Variants in CHST11 observed in about 807,000 individuals in gnomAD.
The protein encoded by CHST11 is carbohydrate sulfotransferase 11, also known as C4S-1.
A neutral mutation model predicts 30.4 loss-of-function variants in CHST11; 9 were observed. That is an observed-to-expected ratio of 0.30 (90% CI 0.18 to 0.52). The LOEUF (loss-of-function observed/expected upper bound fraction) is 0.52, where lower values mean the gene tolerates loss of function less well. Ranked by LOEUF, CHST11 falls within the 20% of genes least tolerant of loss-of-function variation. CHST11 has a pLI of 0.97. For missense variants in CHST11, 348 were observed against 460.6 expected (o/e 0.76, Z 2.24); for synonymous variants, 152 against 187.8 (o/e 0.81, Z 1.56).
chr12:104,480,693 G>A (rs67672936), intron 1 of CHST11, among the ~76,000 whole-genome samples: 29,906 of 151,986 alleles, frequency 0.2, 3,435 homozygotes, highest in Admixed American at 0.32. Context: ...ACATAAGACC[G>A]TGTGATAATG....
At chr12:104,484,894 G>A (rs2037661578) in intron 1 of CHST11, among the ~76,000 whole-genome samples, 1 of 152,216 alleles carries the variant, frequency 6.6e-6, no homozygotes, top group Admixed American at 6.5e-5. Flanking sequence ...TTGGAAAAGA[G>A]TGGGAAGGGA....
intron 1 of CHST11, among the ~76,000 whole-genome samples, chr12:104,523,436 G>A (rs1382355331): frequency 1.3e-5 from 2 of 152,110 alleles, no homozygotes; most frequent in Non-Finnish European, 2.9e-5. Flanking sequence ...GTATAACCTG[G>A]CACTCAACGT....
chr12:104,696,039 G>A (rs1468807233), intron 2 of CHST11, among the ~76,000 whole-genome samples: 1 of 152,160 alleles, frequency 6.6e-6, no homozygotes, highest in Non-Finnish European at 1.5e-5. Context: ...CCTTTGCTGA[G>A]CAGTCGTTCT....
chr12:104,687,746 A>G (rs1455775819), intron 2 of CHST11, among the ~76,000 whole-genome samples: 1 of 152,200 alleles, frequency 6.6e-6, no homozygotes, highest in Non-Finnish European at 1.5e-5. Context: ...TTTCCTGCCT[A>G]GAATGATCCT....
chr12:104,662,241 C>T (rs1008958118), intron 2 of CHST11, among the ~76,000 whole-genome samples: 1 of 152,146 alleles, frequency 6.6e-6, no homozygotes, highest in African/African-American at 2.4e-5. Flanking sequence ...GTCAGCACGT[C>T]CTCTCATTAG....
intron 2 of CHST11, among the ~76,000 whole-genome samples, chr12:104,629,390 C>T (rs1454384245): frequency 6.6e-6 from 1 of 152,210 alleles, no homozygotes; most frequent in African/African-American, 2.4e-5. Context: ...ATAGAACTCA[C>T]AGTGGCTTGC....
Position 104,737,052 on chromosome 12 carries a change from AT to A in CHST11, c.205-19896del, listed in dbSNP as rs1441802541. 7.2e-5 allele frequency among the ~76,000 whole-genome samples: 11 copies of A among 152,322 alleles called. No individual in the cohort carries two copies. The South Asian group carries it at 1.7e-3, about 23-fold the overall frequency. The stretch of plus-strand genomic sequence containing the variant: ...TTAACACCATTTATAGATGATCTTT[AT>A]GGGATATTCTGCCTCAGCAATTAGC... On this transcript the variant is annotated intron_variant, in intron 2 of 2. Transcript: ENST00000303694.
At chr12:104,545,655 A>G (rs983795605) in intron 1 of CHST11, among the ~76,000 whole-genome samples, 4 of 152,226 alleles carry the variant, frequency 2.6e-5, no homozygotes, top group African/African-American at 7.2e-5. Flanking sequence ...CTTATAAACA[A>G]TAGAAACTTG....
chr12:104,493,768 C>T (rs1246618129), intron 1 of CHST11, among the ~76,000 whole-genome samples: 1 of 152,204 alleles, frequency 6.6e-6, no homozygotes, highest in East Asian at 1.9e-4. Flanking sequence ...TCCCTTCGGA[C>T]ACATTTCATC....
intron 2 of CHST11, among the ~76,000 whole-genome samples, chr12:104,632,807 G>A (rs1026626258): frequency 1.3e-4 from 19 of 149,672 alleles, no homozygotes; most frequent in African/African-American, 4.1e-4. Flanking sequence ...GTCCTCCTCC[G>A]GGAGGAGCCC....
intron 2 of CHST11, among the ~76,000 whole-genome samples, chr12:104,622,698 C>T (rs978424121): frequency 1.3e-5 from 2 of 152,210 alleles, no homozygotes; most frequent in Admixed American, 6.5e-5. Context: ...GGGCAAGTTA[C>T]TTAACCTCAC....
At chr12:104,567,132 A>C (rs985845732) in intron 1 of CHST11, among the ~76,000 whole-genome samples, 1 of 152,212 alleles carries the variant, frequency 6.6e-6, no homozygotes, top group Non-Finnish European at 1.5e-5. Context: ...GGAGTACACT[A>C]TCACACTGAC....
intron 2 of CHST11, among the ~76,000 whole-genome samples, chr12:104,699,418 G>T (rs1363192479): frequency 6.6e-6 from 1 of 152,148 alleles, no homozygotes; most frequent in Non-Finnish European, 1.5e-5. Context: ...GATATATTGA[G>T]TGAAATAAAT....
intron 2 of CHST11, among the ~76,000 whole-genome samples, chr12:104,612,931 A>G (rs1184069711): frequency 3.3e-5 from 5 of 152,206 alleles, no homozygotes; most frequent in South Asian, 2.1e-4. Context: ...ACAGTAAGAT[A>G]CGGAATCAGG....
intron 1 of CHST11, among the ~76,000 whole-genome samples, chr12:104,569,436 T>TA (rs767902153): frequency 1.9e-4 from 29 of 152,324 alleles, no homozygotes; most frequent in Non-Finnish European, 3.2e-4. Context: ...CAGTGTCTCT[T>TA]ACAATCTCAG....
At chr12:104,726,657 G>A (rs1181096276) in intron 2 of CHST11, among the ~76,000 whole-genome samples, 1 of 152,180 alleles carries the variant, frequency 6.6e-6, no homozygotes, top group Non-Finnish European at 1.5e-5. Flanking sequence ...GGCCAGGCTG[G>A]TCTATAGGTG....
At chr12:104,612,399 TC>T (rs1177249340) in intron 2 of CHST11, among the ~76,000 whole-genome samples, 4 of 152,192 alleles carry the variant, frequency 2.6e-5, no homozygotes, top group Non-Finnish European at 5.9e-5. Context: ...CACATGGTGC[TC>T]CCCCTGTGTG....
intron 2 of CHST11, among the ~76,000 whole-genome samples, chr12:104,744,628 TTTGCTTTTGTTGCAA>T (rs900180201): frequency 6.6e-6 from 1 of 152,216 alleles, no homozygotes; most frequent in Admixed American, 6.5e-5. Context: ...CTTGTCAGTT[TTTGCTTTTGTTGCAA>T]TTGCTTTCGG....
intron 1 of CHST11, among the ~76,000 whole-genome samples, chr12:104,572,218 G>A (rs373326107): frequency 3.3e-5 from 5 of 151,978 alleles, no homozygotes; most frequent in Admixed American, 1.3e-4. Flanking sequence ...TCAGGATGAT[G>A]CTGGCCTCAT....
Sources: allele counts gnomAD v4.1 joint callset (sites outside exome capture counted in the v4.1 genomes callset), GRCh38; gene constraint gnomAD v4.1.1; transcripts MANE v1.5; gene names NCBI Gene and HGNC (gene_info 2026-07-23, HGNC 2026-07-21).